The following CROT variants were observed in gnomAD, a reference collection of about 807,000 sequenced individuals.
CROT encodes carnitine O-octanoyltransferase, also known as peroxisomal carnitine O-octanoyltransferase.
In CROT, 84 loss-of-function variants were observed where a neutral mutation model predicts 89.2. The observed-to-expected ratio is 0.94, with a 90% CI of 0.79 to 1.13. The LOEUF is 1.13. Ranked by LOEUF, CROT falls within the 50% of genes most tolerant of loss-of-function variation. CROT has a pLI of 0.00. For synonymous variants in CROT, 212 were observed against 239.5 expected (o/e 0.89, Z 1.06); for missense variants, 711 against 727.8 (o/e 0.98, Z 0.27).
chr7:87,385,262 TG>T (rs2116081029), intron 13 of CROT, among the ~76,000 whole-genome samples: 1 of 152,264 alleles, frequency 6.6e-6, no homozygotes, highest in East Asian at 1.9e-4. Flanking sequence ...GGAATTGCAT[TG>T]AATATGTAGA....
At chr7:87,357,439 G>T (rs1806116446) in intron 3 of CROT, 2 of 1,549,214 alleles carry the variant, frequency 1.3e-6, no homozygotes, top group East Asian at 4.9e-5. Context: ...TTTATCAGAG[G>T]TGGCCAATTA....
At chr7:87,372,382 T>A (rs1357117496) in intron 7 of CROT, among the ~76,000 whole-genome samples, 2 of 152,242 alleles carry the variant, frequency 1.3e-5, no homozygotes, top group Non-Finnish European at 2.9e-5. Flanking sequence ...TATTTGTGTG[T>A]CTTCCCATTA....
Position 87,361,589 on chromosome 7 carries a change from T to C in CROT, c.422+18T>C. The C allele has an allele frequency of 2.5e-6, 4 of 1,570,494 alleles. No homozygotes were observed. Among genetic ancestry groups the C allele is most frequent in the Non-Finnish European group, 3.4e-6 (4 of 1,160,192 alleles). On this transcript the variant is annotated intron_variant, in intron 5 of 17. Transcript: ENST00000331536. ...TTAAGAAAGTAAGGACACATGTGAA[T>C]TTAGTGACAGGCTTACCTGAAGTCT...
Position 87,346,408 on chromosome 7 carries a change from C to G in CROT, c.-44C>G, listed in dbSNP as rs565724770. 76 of 152,332 alleles carry G rather than the reference C, an allele frequency of 5.0e-4. No individual in the cohort carries two copies. The highest frequency in any genetic ancestry group is 1.8e-3 in the African/African-American group (73 of 41,578). The allele number at this position is 152,332 out of a possible 1,614,324, so 9.4% of individuals were successfully genotyped here. On this transcript the variant is annotated 5_prime_UTR_variant, in exon 2 of 18. Transcript: ENST00000331536. ...GCAGCAGGCTCCTGGCAGTCTCAAG[C>G]AGTTCATCTTCTTGGTGTACTGGTA...
At chr7:87,373,769 A>G (rs1214001638) in intron 7 of CROT, among the ~76,000 whole-genome samples, 1 of 152,116 alleles carries the variant, frequency 6.6e-6, no homozygotes, top group Admixed American at 6.6e-5. Flanking sequence ...AACTTATAAG[A>G]GGAGCTTGGA....
In CROT at chr7:87,398,722, G is replaced by A; in HGVS notation, c.*78G>A. ...GGGAGTGAGTTGGTAATATGAGATG[G>A]GAAGGAATGTTGACTTGCTAACATT... On this transcript the variant is annotated 3_prime_UTR_variant, in exon 18 of 18. Transcript: ENST00000331536. 2 of 1,376,036 alleles carry A rather than the reference G, an allele frequency of 1.5e-6. No individual in the cohort carries two copies. Among genetic ancestry groups the A allele is most frequent in the Non-Finnish European group, 2.0e-6 (2 of 1,002,036 alleles). 85.2% of individuals were successfully genotyped at this position (1,376,036 alleles called of 1,614,324 possible). A position where few individuals can be genotyped will look rare whatever the true frequency, so the allele number is the denominator to read the frequency against.
intron 2 of CROT, among the ~76,000 whole-genome samples, chr7:87,348,255 C>T (rs1168037115): frequency 6.6e-6 from 1 of 151,822 alleles, no homozygotes; most frequent in Non-Finnish European, 1.5e-5. Context: ...TGAGAAACCT[C>T]ATTTTTTATT....
At chr7:87,367,895 C>G (rs116185599) in intron 6 of CROT, among the ~76,000 whole-genome samples, 1 of 152,210 alleles carries the variant, frequency 6.6e-6, no homozygotes, top group African/African-American at 2.4e-5. Flanking sequence ...CACCTCCTAA[C>G]TTGGCATACC....
At chr7:87,378,291 A>G (rs1217829009) in intron 10 of CROT, among the ~76,000 whole-genome samples, 2 of 150,158 alleles carry the variant, frequency 1.3e-5, no homozygotes, top group Admixed American at 6.7e-5. Flanking sequence ...GGGTGCAGTG[A>G]ACAGTGTTTG....
At chr7:87,366,003 C>T (rs1483428884) in intron 6 of CROT, among the ~76,000 whole-genome samples, 2 of 152,114 alleles carry the variant, frequency 1.3e-5, no homozygotes, top group African/African-American at 4.8e-5. Context: ...CACAAAAAGC[C>T]CAGACTGTTC....
chr7:87,357,552 A>C, intron 3 of CROT: 1 of 1,459,744 alleles, frequency 6.9e-7, no homozygotes, highest in Non-Finnish European at 9.4e-7. Flanking sequence ...CCAGATGCTA[A>C]GAGAGGGTTC....
At chr7:87,357,488 T>A in intron 3 of CROT, 1 of 1,551,710 alleles carries the variant, frequency 6.4e-7, no homozygotes, top group Non-Finnish European at 8.7e-7. Flanking sequence ...TGGGATCTCA[T>A]CCTAATGTCC....
At chr7:87,394,067 G>T (rs1807449149) in intron 17 of CROT, among the ~76,000 whole-genome samples, 1 of 152,028 alleles carries the variant, frequency 6.6e-6, no homozygotes, top group South Asian at 2.1e-4. Flanking sequence ...ATGAACATAA[G>T]CCCTTACAGA....
At position 87,398,776 on chromosome 7, in the gene CROT, A is replaced by G; in HGVS notation, c.*132A>G. 1 of 834,922 alleles carries G rather than the reference A, an allele frequency of 1.2e-6. No homozygotes were observed. Among genetic ancestry groups the G allele is most frequent in the Non-Finnish European group, 1.8e-6 (1 of 548,380 alleles). The allele number at this position is 834,922 out of a possible 1,614,324, so 51.7% of individuals were successfully genotyped here. On this transcript the variant is annotated 3_prime_UTR_variant, in exon 18 of 18. Transcript: ENST00000331536. ...TTAACAAGTTAAGAAAACTTGTTAAATGTAGAAATTAGTAGAATCATGCTC... is the reference window on the plus strand; with the variant it reads ...TTAACAAGTTAAGAAAACTTGTTAAGTGTAGAAATTAGTAGAATCATGCTC...
chr7:87,382,056 A>G lies in CROT; in HGVS notation c.1063-18A>G, dbSNP rs1807027003. 2 of 1,585,684 alleles carry G rather than the reference A, an allele frequency of 1.3e-6. No individual in the cohort carries two copies. Among genetic ancestry groups the G allele is most frequent in the African/African-American group, 2.7e-5 (2 of 74,172 alleles). Reference sequence around the variant, plus strand: ...TAGTTCTATAGATAAAATATTTTTAAGTCTTCCCTATTTTCAGGGTTCAGA... The same window carrying G: ...TAGTTCTATAGATAAAATATTTTTAGGTCTTCCCTATTTTCAGGGTTCAGA... On this transcript the variant is annotated intron_variant, in intron 11 of 17. Coordinates refer to ENST00000331536, the MANE Select transcript of CROT (RefSeq NM_021151.4).
Position 87,375,690 on chromosome 7 carries a change from G to C in CROT, c.715G>C (p.Ala239Pro), listed in dbSNP as rs763139144. The C allele has an allele frequency of 1.2e-6, 2 of 1,613,546 alleles. No homozygotes were observed. Among genetic ancestry groups the C allele is most frequent in the South Asian group, 2.2e-5 (2 of 91,074 alleles). The change falls in exon 8 of 18, where the codon GCA (alanine) becomes CCA (proline). Residue 239 changes from alanine (A) to proline (P), a missense_variant. Physicochemically the swap from Ala to Pro is conservative, Grantham distance 27 (BLOSUM62 -1). Transcript: ENST00000331536. The part of the protein sequence containing the change: ...HSEPDGPGIA[A>P]LTSEERTRWA... The stretch of plus-strand genomic sequence containing the variant: ...TGAACCTGATGGACCTGGGATTGCA[G>C]CATTAACTAGTGAGGAGCGAACTCG...
chr7:87,378,453 A>G (rs1317578414), intron 10 of CROT, among the ~76,000 whole-genome samples: 1 of 152,160 alleles, frequency 6.6e-6, no homozygotes, highest in Non-Finnish European at 1.5e-5. Flanking sequence ...TTTGTTGGCA[A>G]GGAGTTAGCT....
In CROT at chr7:87,359,002, C is replaced by T. The variant is rs191265287; in HGVS notation, c.116-204C>T. ...TCCCTCCCGACTTGCTAATCCCATT[C>T]TCTCAAGCAAGGATTTCCAAATCTT... On this transcript the variant is annotated intron_variant, in intron 3 of 17. Transcript: ENST00000331536. Among the ~76,000 whole-genome samples the T allele has an allele frequency of 1.3e-4, 20 of 152,298 alleles. 1 individual carries two copies. The South Asian group carries it at 2.1e-3, about 16-fold the overall frequency.
Position 87,345,688 on chromosome 7 carries a change from C to T in CROT, c.-192C>T. On this transcript the variant is annotated 5_prime_UTR_variant, in exon 1 of 18. Transcript: ENST00000331536. ...CAGTCCAATTCCCGCACCTTTGAGGCCCAAGGGGGAGCGAGCCGGTGCTGC... is the reference window on the plus strand; with the variant it reads ...CAGTCCAATTCCCGCACCTTTGAGGTCCAAGGGGGAGCGAGCCGGTGCTGC... The T allele has an allele frequency of 2.6e-6, 1 of 379,180 alleles. No homozygotes were observed. The highest frequency in any genetic ancestry group is 4.7e-6 in the Non-Finnish European group (1 of 214,216). The allele number at this position is 379,180 out of a possible 1,614,324, so 23.5% of individuals were successfully genotyped here. A position where few individuals can be genotyped will look rare whatever the true frequency, so the allele number is the denominator to read the frequency against.
Sources: gnomAD v4.1 joint callset for allele counts (sites outside exome capture counted in the v4.1 genomes callset) on GRCh38, gnomAD v4.1.1 for gene constraint, MANE v1.5 for transcripts, NCBI Gene and HGNC (gene_info 2026-07-23, HGNC 2026-07-21) for gene names.